VEPH1: variants seen among roughly 807,000 people sequenced by gnomAD.
VEPH1 encodes ventricular zone-expressed PH domain-containing protein homolog 1.
In VEPH1, 80 loss-of-function variants were observed where a neutral mutation model predicts 85.2. The observed-to-expected ratio is 0.94, with a 90% CI of 0.78 to 1.13. The LOEUF (loss-of-function observed/expected upper bound fraction) is 1.13. Ranked by LOEUF, VEPH1 falls within the 50% of genes most tolerant of loss-of-function variation. The pLI is 0.00. For synonymous variants in VEPH1, 297 were observed against 348.0 expected (o/e 0.85, Z 1.63); for missense variants, 955 against 980.5 (o/e 0.97, Z 0.35).
chr3:157,320,497 A>G (rs546417701), intron 9 of VEPH1, among the ~76,000 whole-genome samples: 2 of 152,296 alleles, frequency 1.3e-5, no homozygotes, highest in East Asian at 3.9e-4. Flanking sequence ...TATCTCAGTC[A>G]TTGAAATATT....
chr3:157,452,208 C>T (rs539221990), intron 4 of VEPH1, among the ~76,000 whole-genome samples: 6 of 152,060 alleles, frequency 3.9e-5, no homozygotes, highest in East Asian at 1.9e-4. Context: ...CCAAGCAGAG[C>T]GGGGGTCTGG....
At chr3:157,313,598 T>C in intron 11 of VEPH1, 23 bp downstream of exon 11, 1 of 1,611,254 alleles carries the variant, frequency 6.2e-7, no homozygotes, top group African/African-American at 1.3e-5. Context: ...GCCTGTAACA[T>C]GGCCAAGGAA....
chr3:157,328,880 A>G (rs1486748161), intron 9 of VEPH1, among the ~76,000 whole-genome samples: 3 of 152,192 alleles, frequency 2.0e-5, no homozygotes, highest in East Asian at 1.9e-4. Context: ...ACTCATGCCA[A>G]TGAAGTAGAC....
At chr3:157,398,179 C>T (rs974534039) in intron 6 of VEPH1, among the ~76,000 whole-genome samples, 3 of 152,202 alleles carry the variant, frequency 2.0e-5, no homozygotes, top group African/African-American at 7.2e-5. Context: ...CATACCACTT[C>T]TCTTTGATGA....
At chr3:157,423,909 A>G (rs986605460) in intron 5 of VEPH1, among the ~76,000 whole-genome samples, 2 of 151,800 alleles carry the variant, frequency 1.3e-5, no homozygotes, top group African/African-American at 4.9e-5. Context: ...TCACTTAAGC[A>G]TTGATTTTTT....
At chr3:157,401,136 T>C (rs1730761158) in intron 6 of VEPH1, among the ~76,000 whole-genome samples, 1 of 152,128 alleles carries the variant, frequency 6.6e-6, no homozygotes, top group Non-Finnish European at 1.5e-5. Context: ...ATCTGTTTAG[T>C]AAATGAGGTG....
chr3:157,289,241 A>G (rs1717172600), intron 11 of VEPH1, among the ~76,000 whole-genome samples: 1 of 152,260 alleles, frequency 6.6e-6, no homozygotes, highest in African/African-American at 2.4e-5. Context: ...ACTAGCAAAC[A>G]AAGTACTTAA....
chr3:157,416,880 C>CAGAA (rs774066977), intron 5 of VEPH1, among the ~76,000 whole-genome samples: 1 of 135,454 alleles, frequency 7.4e-6, no homozygotes, highest in African/African-American at 3.0e-5. Flanking sequence ...GACAGACAGA[C>CAGAA]AGAAAGAAAG....
chr3:157,320,953 C>T (rs1042538167), intron 9 of VEPH1, among the ~76,000 whole-genome samples: 2 of 152,032 alleles, frequency 1.3e-5, no homozygotes, highest in African/African-American at 2.4e-5. Flanking sequence ...AGAAACACAT[C>T]GTTCTTCTTG....
chr3:157,268,165 T>C (rs1213128383), intron 12 of VEPH1, among the ~76,000 whole-genome samples: 1 of 152,226 alleles, frequency 6.6e-6, no homozygotes, highest in Non-Finnish European at 1.5e-5. Context: ...TCCATAAACA[T>C]GGTGATTTCC....
At chr3:157,344,212 CA>C (rs1723933818) in intron 9 of VEPH1, among the ~76,000 whole-genome samples, 1 of 152,082 alleles carries the variant, frequency 6.6e-6, no homozygotes, top group African/African-American at 2.4e-5. Context: ...AAAGGGTATT[CA>C]ATTAGGAAAA....
intron 4 of VEPH1, among the ~76,000 whole-genome samples, chr3:157,448,155 C>T (rs1018163113): frequency 1.3e-5 from 2 of 151,994 alleles, no homozygotes; most frequent in African/African-American, 4.8e-5. Context: ...AGACTGCTCA[C>T]CAAGCAATGG....
At chr3:157,313,834 G>T in intron 10 of VEPH1, 79 bp from the exon 11 acceptor site, 2 of 1,529,778 alleles carry the variant, frequency 1.3e-6, no homozygotes, top group Non-Finnish European at 1.8e-6. Context: ...TCAAGGCACT[G>T]TTTAGGCTTG....
At chr3:157,426,485 C>T (rs1577627042) in intron 5 of VEPH1, among the ~76,000 whole-genome samples, 1 of 152,240 alleles carries the variant, frequency 6.6e-6, no homozygotes, top group Non-Finnish European at 1.5e-5. Flanking sequence ...TTGAACCAAA[C>T]CTCATCTGAT....
chr3:157,318,810 G>A (rs1440660223), intron 9 of VEPH1, among the ~76,000 whole-genome samples: 1 of 152,078 alleles, frequency 6.6e-6, no homozygotes, highest in Non-Finnish European at 1.5e-5. Context: ...TACTTGGGAG[G>A]CAGGAGTGGG....
chr3:157,430,878 G>A (rs529441720), intron 4 of VEPH1, among the ~76,000 whole-genome samples: 1 of 152,308 alleles, frequency 6.6e-6, no homozygotes, highest in East Asian at 1.9e-4. Context: ...TTATATTTCT[G>A]TAGTTCAGAA....
intron 2 of VEPH1, chr3:157,493,395 C>T (rs907243296): frequency 2.5e-5 from 10 of 401,496 alleles, no homozygotes; most frequent in East Asian, 2.3e-4. Flanking sequence ...AAGGATGGGA[C>T]GCAGCTAACA....
At chr3:157,339,153 C>T (rs1044632928) in intron 9 of VEPH1, among the ~76,000 whole-genome samples, 5 of 152,154 alleles carry the variant, frequency 3.3e-5, no homozygotes, top group African/African-American at 1.2e-4. Context: ...AAGCCAGACT[C>T]CTAAAAGTGG....
chr3:157,299,878 C>T (rs1028096391), intron 11 of VEPH1, among the ~76,000 whole-genome samples: 5 of 152,174 alleles, frequency 3.3e-5, no homozygotes, highest in Non-Finnish European at 5.9e-5. Context: ...GTACCAGCTA[C>T]TGTTTATTGA....
Sources: gnomAD v4.1 joint callset for allele counts (sites outside exome capture counted in the v4.1 genomes callset) on GRCh38, gnomAD v4.1.1 for gene constraint, MANE v1.5 for transcripts, NCBI Gene and HGNC (gene_info 2026-07-23, HGNC 2026-07-21) for gene names.